Variants in EIF2B3 observed in about 807,000 individuals in gnomAD.
EIF2B3 encodes eukaryotic translation initiation factor 2B subunit gamma.
A neutral mutation model predicts 54.1 loss-of-function variants in EIF2B3; 20 were observed. The ratio of observed to expected loss-of-function variants is 0.37; its 90% CI spans 0.26 to 0.54. The LOEUF (loss-of-function observed/expected upper bound fraction) is 0.54. Among genes scored for constraint, EIF2B3 ranks in the 20% least tolerant of loss-of-function variants. The probability of loss-of-function intolerance (pLI) is 0.86; values close to 1 mark genes in which losing one functional copy is unlikely to be tolerated. For synonymous variants in EIF2B3, 153 were observed against 188.1 expected, an observed-to-expected ratio of 0.81 and a Z score of 1.52; for missense variants, 448 against 547.8, an observed-to-expected ratio of 0.82 and a Z score of 1.82.
Position 44,870,006 on chromosome 1 carries a change from T to C in EIF2B3, c.1202+4672A>G, listed in dbSNP as rs140488662. ...CTCAGGAATTCAAGCCTGGGTAACA[T>C]AGTGAGACCTCGTCTCTACTAAAAA... is the stretch of plus-strand genomic sequence containing the variant. On this transcript the variant is annotated intron_variant, in intron 10 of 11. Coordinates refer to ENST00000360403, the MANE Select transcript of EIF2B3 (RefSeq NM_020365.5). 4.6e-3 allele frequency among the ~76,000 whole-genome samples: 696 copies of C among 152,104 alleles called. 6 individuals are homozygous for C. Among genetic ancestry groups the C allele is most frequent in the African/African-American group, 0.016 (656 of 41,492 alleles).
At chr1:44,984,903 T>C (rs1025515411) in intron 1 of EIF2B3, among the ~76,000 whole-genome samples, 1 of 140,286 alleles carries the variant, frequency 7.1e-6, no homozygotes, top group African/African-American at 2.7e-5. Context: ...GCTTCCCGGG[T>C]TCACGCCATT....
intron 4 of EIF2B3, among the ~76,000 whole-genome samples, chr1:44,936,425 C>CAA (rs35416105): frequency 5.2e-5 from 7 of 133,472 alleles, no homozygotes; most frequent in East Asian, 2.1e-4. Flanking sequence ...ACTAAAAATA[C>CAA]AAAAAAAAAA....
intron 3 of EIF2B3, among the ~76,000 whole-genome samples, chr1:44,974,930 T>C (rs1261532052): frequency 6.6e-6 from 1 of 151,904 alleles, no homozygotes; most frequent in Non-Finnish European, 1.5e-5. Flanking sequence ...AATTTCTACA[T>C]TGGGCTGGGT....
intron 10 of EIF2B3, among the ~76,000 whole-genome samples, chr1:44,859,788 G>A (rs995458118): frequency 2.6e-5 from 4 of 152,006 alleles, no homozygotes; most frequent in African/African-American, 7.2e-5. Context: ...AAAGAGTCTC[G>A]CTCTGTCACT....
chr1:44,966,755 A>G (rs999707235), intron 3 of EIF2B3, among the ~76,000 whole-genome samples: 1 of 152,220 alleles, frequency 6.6e-6, no homozygotes, highest in Non-Finnish European at 1.5e-5. Context: ...ATAAAGATTA[A>G]AATAACATTC....
chr1:44,918,072 CTTTT>C (rs3074632), intron 5 of EIF2B3, among the ~76,000 whole-genome samples: 1,104 of 88,532 alleles, frequency 0.012, 7 homozygotes, highest in African/African-American at 0.043. Context: ...TGTGCCCAGC[CTTTT>C]TTTTTTTTTT....
At chr1:44,865,757 TG>T (rs1654757086) in intron 10 of EIF2B3, among the ~76,000 whole-genome samples, 1 of 151,902 alleles carries the variant, frequency 6.6e-6, no homozygotes, top group Non-Finnish European at 1.5e-5. Flanking sequence ...TAATTTTGTA[TG>T]GGGTTTCTCC....
intron 4 of EIF2B3, among the ~76,000 whole-genome samples, chr1:44,934,121 G>A (rs900523661): frequency 2.0e-5 from 3 of 151,802 alleles, no homozygotes; most frequent in Non-Finnish European, 4.4e-5. Context: ...AAACAGGCTG[G>A]GCACAGTGGC....
At chr1:44,892,585 T>TA (rs1014810994) in intron 6 of EIF2B3, among the ~76,000 whole-genome samples, 34 of 145,284 alleles carry the variant, frequency 2.3e-4, no homozygotes, top group Admixed American at 4.1e-4. Context: ...TCCTGTCTCT[T>TA]AAAAAAAAAA....
chr1:44,909,383 A>C (rs1241884568), intron 5 of EIF2B3, among the ~76,000 whole-genome samples: 2 of 152,160 alleles, frequency 1.3e-5, no homozygotes, highest in African/African-American at 2.4e-5. Flanking sequence ...ATGACAACAA[A>C]ATTTTGGAAG....
At chr1:44,893,023 G>A (rs538096252) in intron 6 of EIF2B3, among the ~76,000 whole-genome samples, 9 of 152,202 alleles carry the variant, frequency 5.9e-5, no homozygotes, top group East Asian at 5.8e-4. Flanking sequence ...GTGCTTACTC[G>A]TGGCTTTCTA....
intron 4 of EIF2B3, among the ~76,000 whole-genome samples, chr1:44,934,397 C>CAAAA (rs778999086): frequency 6.8e-6 from 1 of 146,382 alleles, no homozygotes; most frequent in Non-Finnish European, 1.5e-5. Context: ...GACTCTGTCT[C>CAAAA]AAAAAACAAA....
chr1:44,874,467 T>C (rs921593250), intron 10 of EIF2B3: 10 of 579,426 alleles, frequency 1.7e-5, no homozygotes, highest in African/African-American at 5.6e-5. Flanking sequence ...TTCTGATCTT[T>C]CTCTGTTTGG....
intron 3 of EIF2B3, among the ~76,000 whole-genome samples, chr1:44,950,244 G>A (rs1557700638): frequency 6.6e-6 from 1 of 152,128 alleles, no homozygotes; most frequent in African/African-American, 2.4e-5. Context: ...GCAACATAGC[G>A]AGACCTTATC....
At chr1:44,899,101 A>G (rs1419520979) in intron 5 of EIF2B3, among the ~76,000 whole-genome samples, 1 of 152,226 alleles carries the variant, frequency 6.6e-6, no homozygotes, top group Non-Finnish European at 1.5e-5. Context: ...GATTACAGGC[A>G]TGAGCCACTG....
intron 6 of EIF2B3, among the ~76,000 whole-genome samples, chr1:44,888,607 T>C (rs773146745): frequency 6.6e-6 from 1 of 152,192 alleles, no homozygotes; most frequent in Non-Finnish European, 1.5e-5. Context: ...GTAACGAATC[T>C]AATGTATTTT....
At chr1:44,923,493 G>A (rs1234160825) in intron 5 of EIF2B3, among the ~76,000 whole-genome samples, 1 of 152,178 alleles carries the variant, frequency 6.6e-6, no homozygotes, top group Non-Finnish European at 1.5e-5. Flanking sequence ...CCGGGAGCTT[G>A]TAAGATCTCT....
intron 9 of EIF2B3, 45 bp from the exon 10 acceptor site, chr1:44,874,871 A>C (rs749611682): frequency 5.0e-6 from 8 of 1,612,400 alleles, no homozygotes; most frequent in Non-Finnish European, 5.9e-6. Flanking sequence ...ATCTCAACCA[A>C]CTGCAAACCA....
At chr1:44,913,579 A>G (rs2148924019) in intron 5 of EIF2B3, among the ~76,000 whole-genome samples, 1 of 151,772 alleles carries the variant, frequency 6.6e-6, no homozygotes, top group South Asian at 2.1e-4. Context: ...AAAAAAGTTC[A>G]CTGTAGCCTC....
Sources: gnomAD v4.1 joint callset for allele counts (sites outside exome capture counted in the v4.1 genomes callset) on GRCh38, gnomAD v4.1.1 for gene constraint, MANE v1.5 for transcripts, NCBI Gene and HGNC (gene_info 2026-07-23, HGNC 2026-07-21) for gene names.